Variants in TENM3 observed in about 807,000 individuals in gnomAD.
TENM3 encodes the protein teneurin-3.
TENM3 carries 63 observed loss-of-function variants against 255.1 expected under a neutral mutation model. The ratio of observed to expected loss-of-function variants is 0.25; its 90% confidence interval spans 0.20 to 0.30. The LOEUF (loss-of-function observed/expected upper bound fraction) is 0.30. TENM3 is among the 10% of genes least tolerant of loss of function. The pLI is 1.00. For missense variants in TENM3, 2,929 were observed against 3,461.1 expected, an observed-to-expected ratio of 0.85 and a Z score of 3.86; for synonymous variants, 1,306 against 1,322.3, an observed-to-expected ratio of 0.99 and a Z score of 0.27.
At chr4:182,634,403 A>G (rs1335172204) in intron 5 of TENM3, among the ~76,000 whole-genome samples, 2 of 152,192 alleles carry the variant, frequency 1.3e-5, no homozygotes, top group Non-Finnish European at 2.9e-5. Flanking sequence ...GACTCATGAT[A>G]GAATAAATGT....
the TENM3 span, among the ~76,000 whole-genome samples, chr4:182,100,856 T>C: frequency 0.37 from 4,525 of 12,136 alleles, 1,530 homozygotes; most frequent in East Asian, 0.67. Context: ...TATATATATA[T>C]ACTCATATAT....
At chr4:182,579,462 A>G (rs780907952) in intron 3 of TENM3, among the ~76,000 whole-genome samples, 1 of 152,222 alleles carries the variant, frequency 6.6e-6, no homozygotes, top group African/African-American at 2.4e-5. Flanking sequence ...TCAAAATGTC[A>G]CCAAACTTTT....
intron 2 of TENM3, among the ~76,000 whole-genome samples, chr4:182,346,238 T>C (rs1202096425): frequency 6.6e-6 from 1 of 152,184 alleles, no homozygotes; most frequent in African/African-American, 2.4e-5. Flanking sequence ...AGGAGTGACA[T>C]CTGGGTGGGA....
chr4:182,076,858 G>T, the TENM3 span, among the ~76,000 whole-genome samples: 1 of 152,132 alleles, frequency 6.6e-6, no homozygotes, highest in African/African-American at 2.4e-5. Flanking sequence ...CCCATACAGC[G>T]CTTTATAAAC....
At chr4:182,371,454 T>A (rs1766807831) in intron 3 of TENM3, among the ~76,000 whole-genome samples, 1 of 152,186 alleles carries the variant, frequency 6.6e-6, no homozygotes, top group Non-Finnish European at 1.5e-5. Context: ...GACCCTTTTC[T>A]TCAATCTGAC....
chr4:182,678,357 A>G (rs910174816), intron 7 of TENM3, among the ~76,000 whole-genome samples: 6 of 152,222 alleles, frequency 3.9e-5, no homozygotes, highest in Non-Finnish European at 8.8e-5. Context: ...ACCCATTCAT[A>G]AGAATAATCA....
intron 3 of TENM3, among the ~76,000 whole-genome samples, chr4:182,436,890 C>T (rs1772088205): frequency 6.6e-6 from 1 of 152,044 alleles, no homozygotes; most frequent in Admixed American, 6.5e-5. Context: ...TGGTGGTGGG[C>T]ACCTGTTATC....
the TENM3 span, among the ~76,000 whole-genome samples, chr4:181,878,660 T>C: frequency 6.6e-6 from 1 of 152,292 alleles, no homozygotes; most frequent in East Asian, 1.9e-4. Context: ...GGCTCATCTG[T>C]CTATTCATTC....
chr4:182,135,490 T>C, the TENM3 span, among the ~76,000 whole-genome samples: 1 of 152,282 alleles, frequency 6.6e-6, no homozygotes, highest in East Asian at 1.9e-4. Flanking sequence ...TTTAGTCTCT[T>C]AGAAAAATCA....
the TENM3 span, among the ~76,000 whole-genome samples, chr4:181,593,830 A>G: frequency 6.6e-5 from 10 of 152,210 alleles, no homozygotes; most frequent in African/African-American, 2.4e-4. Context: ...GGAGGTATGG[A>G]AAATATGATT....
the TENM3 span, among the ~76,000 whole-genome samples, chr4:182,045,787 G>A: frequency 6.6e-6 from 1 of 152,214 alleles, no homozygotes; most frequent in Non-Finnish European, 1.5e-5. Context: ...AGTGGCTCAT[G>A]CCTGTGGTCC....
intron 12 of TENM3, among the ~76,000 whole-genome samples, chr4:182,711,028 A>G (rs17073903): frequency 0.15 from 23,366 of 152,170 alleles, 2,546 homozygotes; most frequent in East Asian, 0.49. Flanking sequence ...CTAATGGGCT[A>G]TATATGCGAT....
At chr4:181,947,732 A>C in the TENM3 span, among the ~76,000 whole-genome samples, 1 of 152,218 alleles carries the variant, frequency 6.6e-6, no homozygotes, top group African/African-American at 2.4e-5. Context: ...AAAAAGAAAA[A>C]AAAAATGCCC....
At chr4:182,288,549 G>A (rs141591827) in intron 1 of TENM3, among the ~76,000 whole-genome samples, 8 of 152,250 alleles carry the variant, frequency 5.3e-5, no homozygotes, top group African/African-American at 1.4e-4. Context: ...AATAAACAGC[G>A]GTTGAATGAG....
rs1414064915 is a variant in TENM3 at position 182,672,942 on chromosome 4, A to G, written c.1112-63A>G. Reference sequence around the variant, plus strand: ...AATAACTTTTTCAAAAAGTTTAAAAACCTTTTTTGTTTTGTTTTTTTAAAA... The same window carrying G: ...AATAACTTTTTCAAAAAGTTTAAAAGCCTTTTTTGTTTTGTTTTTTTAAAA... On this transcript the variant is annotated intron_variant, in intron 6 of 27. Transcript: ENST00000511685. The G allele has an allele frequency of 5.6e-6, 7 of 1,245,442 alleles. No homozygotes were observed. The East Asian group carries it at 1.3e-4, about 23-fold the overall frequency. The allele number at this position is 1,245,442 out of a possible 1,614,324, so 77.1% of individuals were successfully genotyped here.
At position 182,664,448 on chromosome 4, in the gene TENM3, A is replaced by G. The variant is rs145538667; in HGVS notation, c.1112-8557A>G. 7.7e-3 allele frequency among the ~76,000 whole-genome samples: 1,170 copies of G among 152,276 alleles called. 8 individuals carry two copies. The highest frequency in any genetic ancestry group is 0.037 in the Middle Eastern group (11 of 294). On this transcript the variant is annotated intron_variant, in intron 6 of 27. Coordinates refer to ENST00000511685, the MANE Select transcript of TENM3 (RefSeq NM_001080477.4). ...TTCTTGGACCTCCCTATTTCCTGAG[A>G]CAAAACAGTATTGAAATTAGGCCAA...
the TENM3 span, among the ~76,000 whole-genome samples, chr4:181,805,153 T>C: frequency 6.6e-6 from 1 of 152,178 alleles, no homozygotes; most frequent in Admixed American, 6.5e-5. Context: ...ATGAACATCC[T>C]TCCCCAAGAA....
chr4:182,441,963 T>C (rs1472924400), intron 3 of TENM3, among the ~76,000 whole-genome samples: 2 of 152,124 alleles, frequency 1.3e-5, no homozygotes, highest in Admixed American at 1.3e-4. Flanking sequence ...GAGCAGAATA[T>C]AGTACGATGA....
chr4:182,665,704 G>A (rs1396105736), intron 6 of TENM3, among the ~76,000 whole-genome samples: 3 of 150,892 alleles, frequency 2.0e-5, no homozygotes, highest in Non-Finnish European at 4.4e-5. Flanking sequence ...GACCATCCTG[G>A]TTAACAGGGT....
Sources: allele counts gnomAD v4.1 joint callset (sites outside exome capture counted in the v4.1 genomes callset), GRCh38; gene constraint gnomAD v4.1.1; transcripts MANE v1.5; gene names NCBI Gene and HGNC (gene_info 2026-07-23, HGNC 2026-07-21).